Variants in DHX35 observed in about 807,000 individuals in gnomAD.
DHX35 encodes probable ATP-dependent RNA helicase DHX35.
DHX35 carries 84 observed loss-of-function variants against 99.6 expected under a neutral mutation model. That is an observed-to-expected ratio of 0.84 (90% CI 0.71 to 1.01). The LOEUF (loss-of-function observed/expected upper bound fraction) is 1.01. Ranked by LOEUF, DHX35 falls within the 50% of genes least tolerant of loss-of-function variation. The pLI, the probability that DHX35 is intolerant of heterozygous loss-of-function variation, is 0.00. For synonymous variants in DHX35, 331 were observed against 316.2 expected (o/e 1.05, Z -0.50); for missense variants, 852 against 888.5 (o/e 0.96, Z 0.52).
At chr20:38,963,150 A>G (rs2085860497) in intron 1 of DHX35, among the ~76,000 whole-genome samples, 1 of 152,146 alleles carries the variant, frequency 6.6e-6, no homozygotes, top group Non-Finnish European at 1.5e-5. Flanking sequence ...CTTGATATTT[A>G]CTCATTAATC....
At chr20:38,974,616 G>A (rs1030772113) in intron 3 of DHX35, among the ~76,000 whole-genome samples, 13 of 152,196 alleles carry the variant, frequency 8.5e-5, no homozygotes, top group South Asian at 2.1e-4. Context: ...TTTGGAATGG[G>A]AATCTGAAGC....
rs576713535 is a variant in DHX35, at chr20:38,974,662, G to A, written c.267+2011G>A. On this transcript the variant is annotated intron_variant, in intron 3 of 21. Transcript: ENST00000252011. ...TCAGACGTAGAAGGTGTGGACATAG[G>A]GATTGAACATCCTGATACATGCAGG... Among the ~76,000 whole-genome samples the A allele has an allele frequency of 3.3e-5, 5 of 152,234 alleles. No homozygotes were observed. The South Asian group carries it at 1.0e-3, about 32-fold the overall frequency.
intron 14 of DHX35, among the ~76,000 whole-genome samples, chr20:39,015,578 T>A (rs1403160011): frequency 6.6e-6 from 1 of 152,226 alleles, no homozygotes; most frequent in African/African-American, 2.4e-5. Context: ...CTTCTGTGAT[T>A]GGTACCACAA....
In DHX35 at chr20:39,035,364, G is replaced by T. The variant is rs181527917; in HGVS notation, c.2067+1047G>T. ...TGGGATTACAGGTGTGAGCCACCAC[G>T]CCCAGCTCCTTTTTTAAAAGGGTTA... On this transcript the variant is annotated intron_variant, in intron 21 of 21. Transcript: ENST00000252011. 1.6e-3 allele frequency among the ~76,000 whole-genome samples: 243 copies of T among 152,322 alleles called. 1 individual carries two copies. Among genetic ancestry groups the T allele is most frequent in the African/African-American group, 5.7e-3 (238 of 41,572 alleles).
At chr20:39,011,882 T>C (rs190431506) in intron 13 of DHX35, among the ~76,000 whole-genome samples, 14 of 152,192 alleles carry the variant, frequency 9.2e-5, no homozygotes, top group African/African-American at 2.6e-4. Flanking sequence ...CCAAAGAAAA[T>C]TGTGTACTTA....
At chr20:39,007,627 C>G (rs1280292514) in intron 12 of DHX35, among the ~76,000 whole-genome samples, 1 of 152,150 alleles carries the variant, frequency 6.6e-6, no homozygotes, top group Non-Finnish European at 1.5e-5. Flanking sequence ...GCAATACAGT[C>G]CTTATCTAGG....
intron 11 of DHX35, among the ~76,000 whole-genome samples, chr20:39,004,779 G>A (rs919879175): frequency 2.6e-5 from 4 of 152,186 alleles, no homozygotes; most frequent in African/African-American, 9.7e-5. Flanking sequence ...CCCGAGGACA[G>A]CTTTTACTGT....
At chr20:39,031,261 C>T (rs1013244359) in intron 20 of DHX35, among the ~76,000 whole-genome samples, 1 of 152,070 alleles carries the variant, frequency 6.6e-6, no homozygotes, top group Non-Finnish European at 1.5e-5. Flanking sequence ...TCATTTTCAA[C>T]CACTGACTGG....
intron 2 of DHX35, 33 bp from the exon 3 acceptor site, chr20:38,972,526 T>C: frequency 7.3e-7 from 1 of 1,377,564 alleles, no homozygotes; most frequent in Non-Finnish European, 1.0e-6. Context: ...AGACAATGTA[T>C]GGCTATTTGC....
chr20:39,030,615 C>CT, intron 19 of DHX35, 89 bp from the exon 20 acceptor site: 12 of 1,265,830 alleles, frequency 9.5e-6, no homozygotes, highest in Non-Finnish European at 1.4e-5. Context: ...AGTCTGCATG[C>CT]TTTTTTGGTA....
chr20:39,038,141 T>A (rs1292569265), intron 21 of DHX35, among the ~76,000 whole-genome samples: 1 of 152,258 alleles, frequency 6.6e-6, no homozygotes, highest in Non-Finnish European at 1.5e-5. Flanking sequence ...ACTTCCAGAC[T>A]GAGCCCAGTC....
intron 8 of DHX35, among the ~76,000 whole-genome samples, chr20:38,995,524 CAAAA>C (rs901064627): frequency 7.7e-6 from 1 of 130,214 alleles, no homozygotes; most frequent in East Asian, 2.2e-4. Flanking sequence ...AACTTCATCT[CAAAA>C]AAAAAAAAAA....
chr20:39,018,421 C>T (rs766857888), intron 14 of DHX35, among the ~76,000 whole-genome samples: 3 of 151,862 alleles, frequency 2.0e-5, no homozygotes, highest in Non-Finnish European at 2.9e-5. Context: ...AGATGCCTTG[C>T]GTTTGGTGCT....
At chr20:39,002,626 ATATT>A (rs753288304) in intron 9 of DHX35, 142 bp from the exon 10 acceptor site, 1 of 580,752 alleles carries the variant, frequency 1.7e-6, no homozygotes. Context: ...AAAAAAATGA[ATATT>A]TATTTTGTTT....
chr20:39,038,756 A>G lies in DHX35; in HGVS notation c.*213A>G. The G allele has an allele frequency of 1.7e-6, 1 of 596,928 alleles. No homozygotes were observed. Among genetic ancestry groups the G allele is most frequent in the Non-Finnish European group, 3.0e-6 (1 of 336,576 alleles). 37.0% of individuals were successfully genotyped at this position (596,928 alleles called of 1,614,324 possible). A position where few individuals can be genotyped will look rare whatever the true frequency, so the allele number is the denominator to read the frequency against. On this transcript the variant is annotated 3_prime_UTR_variant, in exon 22 of 22. Coordinates refer to ENST00000252011, the MANE Select transcript of DHX35 (RefSeq NM_021931.4). The stretch of plus-strand genomic sequence containing the variant: ...TGGAGGACTTTGTGCATGGGCAGGC[A>G]TCCTTCTGTGCTGCAGCGGGCAGAG...
intron 15 of DHX35, among the ~76,000 whole-genome samples, chr20:39,019,768 A>T (rs1296700638): frequency 6.6e-6 from 1 of 152,174 alleles, no homozygotes. Flanking sequence ...GAAATATACG[A>T]TACATTATTA....
At chr20:39,020,584 G>A (rs1768539729) in intron 15 of DHX35, among the ~76,000 whole-genome samples, 2 of 150,810 alleles carry the variant, frequency 1.3e-5, no homozygotes, top group Non-Finnish European at 3.0e-5. Context: ...TTTAGACCCA[G>A]TATGGGGAAA....
At chr20:38,972,415 C>T (rs1283120381) in intron 2 of DHX35, 144 bp from the exon 3 acceptor site, 32 of 610,058 alleles carry the variant, frequency 5.2e-5, no homozygotes, top group Non-Finnish European at 8.7e-5. Flanking sequence ...GGAACAGTAC[C>T]TGAGGGTTAG....
intron 3 of DHX35, among the ~76,000 whole-genome samples, chr20:38,981,601 T>C (rs1451515716): frequency 4.6e-5 from 7 of 152,156 alleles, no homozygotes; most frequent in Non-Finnish European, 1.0e-4. Flanking sequence ...TCTTATATTT[T>C]TTCCTACACA....
Sources: allele counts gnomAD v4.1 joint callset (sites outside exome capture counted in the v4.1 genomes callset), GRCh38; gene constraint gnomAD v4.1.1; transcripts MANE v1.5; gene names NCBI Gene and HGNC (gene_info 2026-07-23, HGNC 2026-07-21).